The following MCHR2 variants were observed in gnomAD, a reference collection of about 807,000 sequenced individuals.
The protein encoded by MCHR2 is melanin-concentrating hormone receptor 2.
In MCHR2, 15 loss-of-function variants were observed where a neutral mutation model predicts 24.8. The observed-to-expected ratio is 0.60, with a 90% CI of 0.40 to 0.93. MCHR2 has a LOEUF of 0.93. Among genes scored for constraint, MCHR2 ranks in the 40% least tolerant of loss-of-function variants. The pLI is 0.00. For missense variants in MCHR2, 386 were observed against 408.7 expected, an observed-to-expected ratio of 0.94 and a Z score of 0.48; for synonymous variants, 151 against 147.6, an observed-to-expected ratio of 1.02 and a Z score of -0.17.
intron 1 of MCHR2, among the ~76,000 whole-genome samples, chr6:99,970,217 A>G (rs941038328): frequency 1.3e-5 from 2 of 151,560 alleles, no homozygotes; most frequent in Non-Finnish European, 2.9e-5. Flanking sequence ...CCTCTCCAGC[A>G]CCTGTTGTTT....
chr6:99,934,604 G>T, intron 4 of MCHR2, 87 bp from the exon 5 acceptor site: 1 of 1,202,206 alleles, frequency 8.3e-7, no homozygotes, highest in Non-Finnish European at 1.1e-6. Context: ...CAGTTTCCGA[G>T]GCATAATTCT....
intron 1 of MCHR2, among the ~76,000 whole-genome samples, chr6:99,969,925 T>G (rs1275552825): frequency 6.7e-6 from 1 of 148,468 alleles, no homozygotes; most frequent in South Asian, 2.2e-4. Context: ...TATTCCATGG[T>G]GTATATGTGC....
intron 1 of MCHR2, among the ~76,000 whole-genome samples, chr6:99,978,261 T>C (rs1181177503): frequency 2.0e-5 from 3 of 152,136 alleles, no homozygotes; most frequent in African/African-American, 7.2e-5. Context: ...ATGGTGCTTA[T>C]AATGTGAAAA....
rs535935105 is a variant in MCHR2, at chr6:99,937,570, T to C, written c.588-3053A>G. On this transcript the variant is annotated intron_variant, in intron 4 of 5. Coordinates refer to ENST00000281806, the MANE Select transcript of MCHR2 (RefSeq NM_001040179.2). ...TTGGATGAGTTCTACTTGCTCATGA[T>C]ATACGATTTTTTTAATGTGTTGTTG... Among the ~76,000 whole-genome samples, 3 of 152,126 alleles carry C rather than the reference T, an allele frequency of 2.0e-5. No individual in the cohort carries two copies. The East Asian group carries it at 5.8e-4, about 29-fold the overall frequency.
chr6:99,983,290 C>T (rs1226710067), intron 1 of MCHR2, among the ~76,000 whole-genome samples: 1 of 152,120 alleles, frequency 6.6e-6, no homozygotes. Flanking sequence ...GGGTTAGTAA[C>T]AACTCATGGA....
chr6:99,962,469 A>G (rs1775207136), intron 1 of MCHR2, among the ~76,000 whole-genome samples: 1 of 152,200 alleles, frequency 6.6e-6, no homozygotes, highest in Admixed American at 6.6e-5. Context: ...CTGATCTTCA[A>G]CAAGGGTGCC....
chr6:99,932,805 A>G (rs900889965), intron 5 of MCHR2, among the ~76,000 whole-genome samples: 1 of 152,286 alleles, frequency 6.6e-6, no homozygotes. Context: ...CCAATGTGCT[A>G]TTCTGGATTG....
At chr6:99,954,370 G>A (rs949134400) in intron 2 of MCHR2, among the ~76,000 whole-genome samples, 6 of 152,184 alleles carry the variant, frequency 3.9e-5, no homozygotes, top group Admixed American at 1.3e-4. Context: ...AGGTAGTGCA[G>A]GTTGGGCATC....
intron 2 of MCHR2, among the ~76,000 whole-genome samples, chr6:99,949,906 AAG>A (rs1231358356): frequency 9.1e-6 from 1 of 109,842 alleles, no homozygotes; most frequent in Non-Finnish European, 1.9e-5. Flanking sequence ...GTCAGATAGA[AAG>A]AGCTCCAAAC....
chr6:99,951,699 G>A (rs751110180), intron 2 of MCHR2, among the ~76,000 whole-genome samples: 2 of 152,116 alleles, frequency 1.3e-5, no homozygotes, highest in East Asian at 3.9e-4. Flanking sequence ...ACTTGGAATG[G>A]TAGAGGGCTG....
At chr6:99,956,792 A>C (rs1294940468) in intron 1 of MCHR2, among the ~76,000 whole-genome samples, 1 of 152,132 alleles carries the variant, frequency 6.6e-6, no homozygotes, top group Non-Finnish European at 1.5e-5. Context: ...ATAAACAAGT[A>C]AATAAAGCAA....
rs190068121 is a variant in MCHR2, at chr6:99,964,851, T to C, written c.-27-8677A>G. Among the ~76,000 whole-genome samples the C allele has an allele frequency of 2.0e-3, 301 of 152,194 alleles. 1 individual carries two copies. The highest frequency in any genetic ancestry group is 3.4e-3 in the Middle Eastern group (1 of 294). On this transcript the variant is annotated intron_variant, in intron 1 of 5. Transcript: ENST00000281806. ...CAGACTCTAGGTACACACGATAACATGGATGGATCTAAAATCATAAGGAAG... is the reference window on the plus strand; with the variant it reads ...CAGACTCTAGGTACACACGATAACACGGATGGATCTAAAATCATAAGGAAG...
At chr6:99,926,811 C>A (rs971427852) in intron 5 of MCHR2, among the ~76,000 whole-genome samples, 1 of 152,098 alleles carries the variant, frequency 6.6e-6, no homozygotes, top group African/African-American at 2.4e-5. Flanking sequence ...ATGGTAGTTT[C>A]TTTTGCTGTG....
At chr6:99,989,076 G>A (rs1235249723) in intron 1 of MCHR2, among the ~76,000 whole-genome samples, 1 of 152,062 alleles carries the variant, frequency 6.6e-6, no homozygotes, top group Non-Finnish European at 1.5e-5. Flanking sequence ...TTAAACACAG[G>A]TTAAGAACAA....
chr6:99,945,163 C>G (rs1302762563), intron 3 of MCHR2, among the ~76,000 whole-genome samples: 1 of 152,182 alleles, frequency 6.6e-6, no homozygotes, highest in Non-Finnish European at 1.5e-5. Context: ...TGTCTGTCTA[C>G]ACCACTAGAA....
intron 5 of MCHR2, among the ~76,000 whole-genome samples, chr6:99,923,484 T>G (rs1582364648): frequency 2.0e-5 from 3 of 152,134 alleles, no homozygotes; most frequent in South Asian, 2.1e-4. Flanking sequence ...TAGAGGGAAG[T>G]CTTTTAGTTT....
chr6:99,993,875 G>C (rs556043373), intron 1 of MCHR2, 61 bp downstream of exon 1: 1 of 151,904 alleles, frequency 6.6e-6, no homozygotes, highest in South Asian at 2.1e-4. Flanking sequence ...CGCAGCCCAC[G>C]GGCCCTGGGG....
rs1195879501 is a variant in MCHR2, at chr6:99,942,943, A to C, written c.587+6T>G. On this transcript the variant is annotated splice_donor_region_variant and intron_variant, in intron 4 of 5. Transcript: ENST00000281806. Reference sequence around the variant, plus strand: ...AACTCGTTTTTCTTAAGTTTTCACAACTTACCAGAGTACATCGTCAGGGGA... The same window carrying C: ...AACTCGTTTTTCTTAAGTTTTCACACCTTACCAGAGTACATCGTCAGGGGA... 2 of 1,597,022 alleles carry C rather than the reference A, an allele frequency of 1.3e-6. No homozygotes were observed. The highest frequency in any genetic ancestry group is 1.7e-6 in the Non-Finnish European group (2 of 1,170,584).
intron 4 of MCHR2, among the ~76,000 whole-genome samples, chr6:99,941,035 A>T (rs1223635255): frequency 6.6e-6 from 1 of 151,778 alleles, no homozygotes; most frequent in Non-Finnish European, 1.5e-5. Context: ...AACTTATGAT[A>T]CTTCCCATAG....
Sources: gnomAD v4.1 joint callset for allele counts (sites outside exome capture counted in the v4.1 genomes callset) on GRCh38, gnomAD v4.1.1 for gene constraint, MANE v1.5 for transcripts, NCBI Gene and HGNC (gene_info 2026-07-23, HGNC 2026-07-21) for gene names.